The following HSP90AA1 variants were observed in gnomAD, a reference collection of about 807,000 sequenced individuals.
The protein encoded by HSP90AA1 is heat shock protein 90 alpha family class A member 1.
HSP90AA1 carries 18 observed loss-of-function variants against 73.3 expected under a neutral mutation model. The observed-to-expected ratio is 0.25, with a 90% CI of 0.17 to 0.36. The LOEUF is 0.36. Among genes scored for constraint, HSP90AA1 ranks in the 10% least tolerant of loss-of-function variants. HSP90AA1 has a pLI of 1.00. For missense variants in HSP90AA1, 704 were observed against 874.2 expected, an observed-to-expected ratio of 0.81 and a Z score of 2.45; for synonymous variants, 477 against 296.9, an observed-to-expected ratio of 1.61 and a Z score of -6.24.
intron 1 of HSP90AA1, among the ~76,000 whole-genome samples, chr14:102,128,932 G>A (rs1347813072): frequency 6.6e-6 from 1 of 152,118 alleles, no homozygotes. Flanking sequence ...TATGCCTTAC[G>A]GTGATTCCCA....
At chr14:102,130,628 G>T (rs2152626767) in intron 1 of HSP90AA1, among the ~76,000 whole-genome samples, 1 of 152,184 alleles carries the variant, frequency 6.6e-6, no homozygotes, top group South Asian at 2.1e-4. Context: ...CTCTTTTTTT[G>T]ACAGGGTCTT....
intron 1 of HSP90AA1, among the ~76,000 whole-genome samples, chr14:102,123,268 C>T (rs2152624692): frequency 6.6e-6 from 1 of 152,072 alleles, no homozygotes; most frequent in South Asian, 2.1e-4. Context: ...TGGTGGTAGG[C>T]CCCTGTAATC....
At chr14:102,106,214 CT>C (rs533511130) in intron 1 of HSP90AA1, among the ~76,000 whole-genome samples, 2 of 152,164 alleles carry the variant, frequency 1.3e-5, no homozygotes, top group Non-Finnish European at 2.9e-5. Flanking sequence ...TCAGAAACAG[CT>C]TTCTCAATCA....
intron 1 of HSP90AA1, among the ~76,000 whole-genome samples, chr14:102,105,510 C>A (rs1007256720): frequency 6.6e-6 from 1 of 152,074 alleles, no homozygotes; most frequent in Non-Finnish European, 1.5e-5. Flanking sequence ...TGGAGGGGAC[C>A]GTGTGTGCAA....
At chr14:102,096,589 C>T (rs553767432) in intron 2 of HSP90AA1, among the ~76,000 whole-genome samples, 31 of 152,362 alleles carry the variant, frequency 2.0e-4, no homozygotes, top group African/African-American at 7.5e-4. Context: ...TGGATGCCTC[C>T]TCCACAGCTC....
chr14:102,092,393 T>C (rs546972510), intron 2 of HSP90AA1, among the ~76,000 whole-genome samples: 1 of 152,276 alleles, frequency 6.6e-6, no homozygotes, highest in East Asian at 1.9e-4. Context: ...TTTAATTCCA[T>C]TGTGGTCAGA....
intron 2 of HSP90AA1, among the ~76,000 whole-genome samples, chr14:102,093,426 T>C (rs1412754398): frequency 1.3e-5 from 2 of 150,112 alleles, no homozygotes; most frequent in Admixed American, 6.6e-5. Flanking sequence ...AGAGAACCGC[T>C]TAAACCCGAG....
upstream of HSP90AA1, among the ~76,000 whole-genome samples, chr14:102,088,594 G>C (rs1254180287): frequency 6.6e-6 from 1 of 152,222 alleles, no homozygotes; most frequent in Non-Finnish European, 1.5e-5. Flanking sequence ...GACCGGGTGT[G>C]TGCCTGGTCC....
At chr14:102,130,473 GCCAT>G (rs770093827) in intron 1 of HSP90AA1, among the ~76,000 whole-genome samples, 7 of 152,068 alleles carry the variant, frequency 4.6e-5, no homozygotes, top group Non-Finnish European at 8.8e-5. Context: ...TTTGATTATA[GCCAT>G]CCTAGTGTAT....
At chr14:102,093,423 C>T (rs925071731) in intron 2 of HSP90AA1, among the ~76,000 whole-genome samples, 4 of 149,672 alleles carry the variant, frequency 2.7e-5, no homozygotes, top group Admixed American at 1.3e-4. Context: ...GCAAGAGAAC[C>T]GCTTAAACCC....
chr14:102,133,961 G>A (rs2049943054), intron 1 of HSP90AA1, among the ~76,000 whole-genome samples: 1 of 151,894 alleles, frequency 6.6e-6, no homozygotes, highest in Non-Finnish European at 1.5e-5. Context: ...GACCTGCCTG[G>A]CCAACATGGT....
At chr14:102,137,977 T>G (rs2152629069) in intron 1 of HSP90AA1, among the ~76,000 whole-genome samples, 1 of 150,616 alleles carries the variant, frequency 6.6e-6, no homozygotes, top group East Asian at 2.0e-4. Flanking sequence ...ATTGCACCAC[T>G]GCACTCCAGC....
chr14:102,084,097 T>C (rs2049162571), intron 6 of HSP90AA1, 114 bp from the exon 7 acceptor site: 1 of 879,446 alleles, frequency 1.1e-6, no homozygotes. Flanking sequence ...TTTGAGACAG[T>C]CTCACTCTGT....
chr14:102,139,373 G>C (rs751954360), exon 1 of HSP90AA1: 1 of 1,599,046 alleles, frequency 6.3e-7, no homozygotes, highest in Non-Finnish European at 8.5e-7. Flanking sequence ...CCCAGGAGGG[G>C]TGGAGCCGTC....
Position 102,081,309 on chromosome 14 carries a change from TCAAAAAGTA to T in HSP90AA1, c.*394_*402del, listed in dbSNP as rs2152609205. 3.3e-6 allele frequency: 1 copy of T among 301,062 alleles called. No homozygotes were observed. The highest frequency in any genetic ancestry group is 6.3e-6 in the Non-Finnish European group (1 of 159,032). The allele number at this position is 301,062 out of a possible 1,614,324, so 18.6% of individuals were successfully genotyped here. ...TTGTCAACTACAGGGAATGAAAAGTTCAAAAAGTAGATCCTACAAGATGTAACGAATACT... is the reference window on the plus strand; with the variant it reads ...TTGTCAACTACAGGGAATGAAAAGTTGATCCTACAAGATGTAACGAATACT... On this transcript the variant is annotated 3_prime_UTR_variant, in exon 11 of 11. Transcript: ENST00000216281.
intron 1 of HSP90AA1, among the ~76,000 whole-genome samples, chr14:102,127,053 TA>T (rs1232846112): frequency 5.3e-5 from 7 of 132,234 alleles, no homozygotes; most frequent in African/African-American, 1.9e-4. Context: ...TTTTTTTTTT[TA>T]AATCACCTCT....
At chr14:102,134,322 C>CAAAA (rs57081266) in intron 1 of HSP90AA1, among the ~76,000 whole-genome samples, 4 of 69,084 alleles carry the variant, frequency 5.8e-5, no homozygotes, top group Admixed American at 1.9e-4. Flanking sequence ...GGCTCTGTCT[C>CAAAA]AAAAAAAAAA....
chr14:102,122,414 G>A (rs2049789539), intron 1 of HSP90AA1, among the ~76,000 whole-genome samples: 1 of 151,650 alleles, frequency 6.6e-6, no homozygotes, highest in African/African-American at 2.4e-5. Flanking sequence ...CCGAGTAGCT[G>A]GGACTACAGG....
chr14:102,134,117 C>T (rs937551728), intron 1 of HSP90AA1, among the ~76,000 whole-genome samples: 4 of 150,014 alleles, frequency 2.7e-5, no homozygotes, highest in Non-Finnish European at 5.9e-5. Flanking sequence ...CGCCACTGCA[C>T]TCCAGCCTGG....
Sources: allele counts gnomAD v4.1 joint callset (sites outside exome capture counted in the v4.1 genomes callset), GRCh38; gene constraint gnomAD v4.1.1; transcripts MANE v1.5; gene names NCBI Gene and HGNC (gene_info 2026-07-23, HGNC 2026-07-21).